Variants in BOC observed in about 807,000 individuals in gnomAD.
The protein encoded by BOC is BOC cell adhesion associated, oncogene regulated, also known as brother of CDO.
In BOC, 76 loss-of-function variants were observed where a neutral mutation model predicts 112.0. The observed-to-expected ratio is 0.68, with a 90% confidence interval of 0.56 to 0.82. BOC has a LOEUF of 0.82. BOC is among the 40% of genes least tolerant of loss of function. The pLI, the probability that BOC is intolerant of heterozygous loss-of-function variation, is 0.00. For missense variants in BOC, 1,309 were observed against 1,511.7 expected (o/e 0.87, Z 2.22); for synonymous variants, 580 against 599.8 (o/e 0.97, Z 0.48).
intron 1 of BOC, among the ~76,000 whole-genome samples, chr3:113,214,764 T>C (rs945012039): frequency 2.0e-5 from 3 of 152,236 alleles, no homozygotes; most frequent in Admixed American, 6.5e-5. Flanking sequence ...CTCTAACATA[T>C]GTAACTTCTT....
rs145495093 is a variant in BOC, at chr3:113,281,863, A to C, written c.2434+710A>C. ...TCACTGGCTTTCAGTTGTTCAGCAG[A>C]TCCTCCCTGAGTGCCTCTGTGTCTC... On this transcript the variant is annotated intron_variant, in intron 15 of 19. Transcript: ENST00000682979. 1.6e-3 allele frequency among the ~76,000 whole-genome samples: 250 copies of C among 152,288 alleles called. 1 individual carries two copies. The highest frequency in any genetic ancestry group is 5.7e-3 in the African/African-American group (238 of 41,546).
At chr3:113,240,390 C>T (rs1309101455) in intron 2 of BOC, among the ~76,000 whole-genome samples, 1 of 152,146 alleles carries the variant, frequency 6.6e-6, no homozygotes, top group East Asian at 1.9e-4. Flanking sequence ...AGGGTTATTG[C>T]CACACATACA....
At chr3:113,277,110 G>GT (rs966166596) in intron 9 of BOC, among the ~76,000 whole-genome samples, 2 of 152,168 alleles carry the variant, frequency 1.3e-5, no homozygotes, top group African/African-American at 4.8e-5. Context: ...TTCATCCACA[G>GT]TTTTTAAGTT....
intron 4 of BOC, among the ~76,000 whole-genome samples, 172 bp from the exon 5 acceptor site, chr3:113,268,126 CT>C (rs1947704621): frequency 6.6e-6 from 1 of 152,200 alleles, no homozygotes. Context: ...GCCCCACATT[CT>C]TACAAACTCC....
chr3:113,273,080 G>A lies in BOC; in HGVS notation c.973G>A (p.Val325Ile). 6.2e-7 allele frequency: 1 copy of A among 1,600,140 alleles called. No individual in the cohort carries two copies. The highest frequency in any genetic ancestry group is 8.6e-7 in the Non-Finnish European group (1 of 1,168,646). The change falls in exon 8 of 20, where the codon GTC (valine) becomes ATC (isoleucine). Residue 325 changes from valine (V) to isoleucine (I), a missense_variant. Physicochemically the swap from Val to Ile is conservative, Grantham distance 29 (BLOSUM62 3). Transcript: ENST00000682979. ...YNVQVFEPPE[V>I]TMELSQLVIP... ...TGGTTTCCTGGCAGAACCCCCTGAG[G>A]TCACCATGGAGCTATCCCAGCTGGT...
At chr3:113,238,273 C>T (rs1200232742) in intron 2 of BOC, among the ~76,000 whole-genome samples, 1 of 152,196 alleles carries the variant, frequency 6.6e-6, no homozygotes, top group Non-Finnish European at 1.5e-5. Flanking sequence ...GAAAGGTTGA[C>T]TGGAACCCAG....
At chr3:113,272,964 C>T (rs1161881289) in intron 7 of BOC, 105 bp from the exon 8 acceptor site, 1 of 1,418,280 alleles carries the variant, frequency 7.1e-7, no homozygotes, top group Non-Finnish European at 9.6e-7. Context: ...GAAAAAGCAA[C>T]AGCCAAAGGG....
chr3:113,268,089 A>G (rs1458866760), intron 4 of BOC, among the ~76,000 whole-genome samples: 2 of 152,142 alleles, frequency 1.3e-5, no homozygotes, highest in Non-Finnish European at 2.9e-5. Flanking sequence ...GCTTGTATAT[A>G]CAAAGTGAAC....
At chr3:113,232,738 C>T (rs1267181490) in intron 2 of BOC, among the ~76,000 whole-genome samples, 1 of 152,172 alleles carries the variant, frequency 6.6e-6, no homozygotes, top group East Asian at 1.9e-4. Flanking sequence ...GATGAATCTG[C>T]AGTAAGCATT....
chr3:113,274,260 T>C lies in BOC; in HGVS notation c.1235-115T>C. On this transcript the variant is annotated intron_variant, in intron 8 of 19. Transcript: ENST00000682979. This position sits in a 1 kb window ranked among gnomAD's most constrained non-coding sequence, Gnocchi z 4.8. ...AGCACAGAGTGGGTGGCGGTACAGC[T>C]GATGGTGGGCCCAGGTTGCCTCTCT... 1 of 999,326 alleles carries C rather than the reference T, an allele frequency of 1.0e-6. No individual in the cohort carries two copies. The highest frequency in any genetic ancestry group is 2.7e-5 in the East Asian group (1 of 37,216). 61.9% of individuals were successfully genotyped at this position (999,326 alleles called of 1,614,324 possible).
chr3:113,221,544 C>G (rs890877173), intron 2 of BOC, among the ~76,000 whole-genome samples: 4 of 152,206 alleles, frequency 2.6e-5, no homozygotes, highest in African/African-American at 9.7e-5. Flanking sequence ...TCATCCTTGA[C>G]TATGTTCTTT....
intron 7 of BOC, 68 bp from the exon 8 acceptor site, chr3:113,273,001 C>G: frequency 6.5e-7 from 1 of 1,535,682 alleles, no homozygotes; most frequent in Non-Finnish European, 8.8e-7. Context: ...AACTACATCC[C>G]TCCCAGCCCA....
At chr3:113,220,823 T>G (rs1319472239) in intron 2 of BOC, among the ~76,000 whole-genome samples, 1 of 152,182 alleles carries the variant, frequency 6.6e-6, no homozygotes, top group Non-Finnish European at 1.5e-5. Flanking sequence ...GGAAAAGGAC[T>G]CGTGGCCAAA....
At position 113,274,505 on chromosome 3, in the gene BOC, G is replaced by T; in HGVS notation, c.1365G>T (p.Val455=). The T allele has an allele frequency of 1.2e-6, 2 of 1,613,068 alleles. No homozygotes were observed. The highest frequency in any genetic ancestry group is 1.7e-6 in the Non-Finnish European group (2 of 1,179,604). ...CGCTCCCCAGACCCCCAACGTCAGT[G>T]GGGCCTGCTTCCCCGCAGTGTCCAG... The part of the protein sequence containing the change: ...QPALPRPPTS[V]GPASPQCPGE... The change falls in exon 9 of 20, where the codon GTG becomes GTT. Residue 455 remains valine (V), a synonymous_variant. Transcript: ENST00000682979. The surrounding 1 kb of genome is among the most constrained non-coding windows in gnomAD (Gnocchi z 4.8).
At chr3:113,280,041 G>A (rs369933741) in intron 13 of BOC, 36 bp downstream of exon 13, 44 of 1,561,542 alleles carry the variant, frequency 2.8e-5, no homozygotes, top group African/African-American at 1.2e-4. Context: ...AGTGGAAGAC[G>A]GCCTCCCCTA....
In BOC at chr3:113,272,667, G is replaced by A. The variant is rs3814400; in HGVS notation, c.925G>A (p.Gly309Arg). ...CMADNGVGQP[G>R]AAVILYNVQV... ...GGCCGACAATGGGGTTGGGCAGCCC[G>A]GGGCAGCGGTCATCCTCTACAATGT... Residue 309 changes from glycine to arginine, a missense_variant, in exon 7 of 20, where the codon GGG becomes AGG. By Grantham distance (125) the Gly-to-Arg change is moderately radical (BLOSUM62 -2). Transcript: ENST00000682979. The A allele has an allele frequency of 3.9e-4, 634 of 1,613,776 alleles. 4 individuals are homozygous for A. In the East Asian group the frequency reaches 8.2e-3, roughly 21 times the overall value.
intron 9 of BOC, among the ~76,000 whole-genome samples, chr3:113,275,937 T>C (rs116760215): frequency 0.033 from 5,095 of 152,304 alleles, 286 homozygotes; most frequent in African/African-American, 0.11. Context: ...CTCCCTCTGC[T>C]GCCTCCCCAG....
At chr3:113,235,816 G>T (rs960134623) in intron 2 of BOC, among the ~76,000 whole-genome samples, 7 of 152,194 alleles carry the variant, frequency 4.6e-5, no homozygotes, top group Non-Finnish European at 7.3e-5. Flanking sequence ...AACTTCTGAT[G>T]CAGGTGTGTA....
Position 113,283,470 on chromosome 3 carries a change from C to T in BOC, c.2494C>T (p.Pro832Ser), listed in dbSNP as rs747844421. 3 of 1,613,920 alleles carry T rather than the reference C, an allele frequency of 1.9e-6. No homozygotes were observed. The highest frequency in any genetic ancestry group is 1.3e-5 in the African/African-American group (1 of 74,920). Residue 832 changes from proline (P) to serine (S), a missense_variant, in exon 16 of 20, where the codon CCG becomes TCG. Physicochemically the swap from Pro to Ser is moderately conservative, Grantham distance 74. Transcript: ENST00000682979. Reference sequence around the variant, plus strand: ...ACCCCCAACTCTGGCCCCACCACAGCCGCCCCTTCCTGAAACCATAGAGCG... The same window carrying T: ...ACCCCCAACTCTGGCCCCACCACAGTCGCCCCTTCCTGAAACCATAGAGCG... ...LPPPTLAPPQ[P>S]PLPETIERPV...
Sources: allele counts gnomAD v4.1 joint callset (sites outside exome capture counted in the v4.1 genomes callset), GRCh38; gene constraint gnomAD v4.1.1; non-coding constraint Gnocchi (gnomAD v3.1); transcripts MANE v1.5; gene names NCBI Gene and HGNC (gene_info 2026-07-23, HGNC 2026-07-21).